The following APBA1 variants were observed in gnomAD, a reference collection of about 807,000 sequenced individuals.
APBA1 encodes amyloid-beta A4 precursor protein-binding family A member 1.
A neutral mutation model predicts 86.6 loss-of-function variants in APBA1; 55 were observed. That is an observed-to-expected ratio of 0.64 (90% CI 0.51 to 0.80). APBA1 has a LOEUF of 0.80. Among genes scored for constraint, APBA1 ranks in the 30% least tolerant of loss-of-function variants. APBA1 has a pLI of 0.00. For synonymous variants in APBA1, 511 were observed against 493.9 expected (o/e 1.03, Z -0.46); for missense variants, 1,090 against 1,183.0 (o/e 0.92, Z 1.15).
At chr9:69,648,185 A>G (rs1823427398) in intron 1 of APBA1, among the ~76,000 whole-genome samples, 1 of 152,224 alleles carries the variant, frequency 6.6e-6, no homozygotes. Context: ...CTTGGCTACA[A>G]CATTTCTCAC....
At chr9:69,510,299 C>A (rs1836010906) in intron 2 of APBA1, among the ~76,000 whole-genome samples, 1 of 151,922 alleles carries the variant, frequency 6.6e-6, no homozygotes, top group African/African-American at 2.4e-5. Flanking sequence ...AGAGCCAAAT[C>A]ATAAGTGAAC....
intron 5 of APBA1, among the ~76,000 whole-genome samples, chr9:69,459,380 T>C (rs371621856): frequency 1.3e-5 from 2 of 152,368 alleles, no homozygotes; most frequent in African/African-American, 2.4e-5. Flanking sequence ...CCATCATTTA[T>C]TGAGTGTGTT....
chr9:69,646,579 C>T (rs1049056657), intron 1 of APBA1, among the ~76,000 whole-genome samples: 1 of 152,100 alleles, frequency 6.6e-6, no homozygotes, highest in African/African-American at 2.4e-5. Flanking sequence ...ACAAGCCTGG[C>T]TTCAAGCCTT....
At chr9:69,565,070 A>G (rs1270834934) in intron 1 of APBA1, among the ~76,000 whole-genome samples, 1 of 152,240 alleles carries the variant, frequency 6.6e-6, no homozygotes. Flanking sequence ...GCAAGGGCAT[A>G]AAGCTAAGAG....
intron 1 of APBA1, among the ~76,000 whole-genome samples, chr9:69,646,637 T>A (rs1293432174): frequency 6.6e-6 from 1 of 152,174 alleles, no homozygotes; most frequent in Non-Finnish European, 1.5e-5. Context: ...GGCATTCTGG[T>A]CTGCTCTCCT....
intron 1 of APBA1, among the ~76,000 whole-genome samples, chr9:69,643,008 C>A (rs1198891107): frequency 2.6e-5 from 4 of 151,150 alleles, no homozygotes; most frequent in Non-Finnish European, 4.4e-5. Flanking sequence ...TACACACACA[C>A]CCCCGCCACA....
chr9:69,449,504 A>T, intron 10 of APBA1, 80 bp downstream of exon 10: 1 of 1,279,066 alleles, frequency 7.8e-7, no homozygotes, highest in Non-Finnish European at 1.1e-6. Flanking sequence ...ATGTTCATAT[A>T]CATTAATGAC....
chr9:69,481,292 C>T (rs1835503253), intron 2 of APBA1, among the ~76,000 whole-genome samples: 1 of 152,018 alleles, frequency 6.6e-6, no homozygotes, highest in Admixed American at 6.6e-5. Context: ...GATACAAAAT[C>T]AATGTGCAAA....
At chr9:69,595,358 A>G (rs866857548) in intron 1 of APBA1, among the ~76,000 whole-genome samples, 1 of 152,156 alleles carries the variant, frequency 6.6e-6, no homozygotes, top group Non-Finnish European at 1.5e-5. Context: ...AAGAAAATCC[A>G]CCTAGTTCCC....
intron 1 of APBA1, among the ~76,000 whole-genome samples, chr9:69,545,193 C>T (rs1588353822): frequency 6.6e-6 from 1 of 152,244 alleles, no homozygotes; most frequent in South Asian, 2.1e-4. Context: ...CTTAGCCAGA[C>T]TAAACAAAAT....
chr9:69,636,894 G>GGAAC (rs2134003927), intron 1 of APBA1, among the ~76,000 whole-genome samples: 1 of 51,550 alleles, frequency 1.9e-5, no homozygotes, highest in Non-Finnish European at 4.3e-5. Context: ...AAGGAAAGAA[G>GGAAC]GAAGGAAGGA....
chr9:69,588,973 G>A (rs897024423), intron 1 of APBA1, among the ~76,000 whole-genome samples: 11 of 152,072 alleles, frequency 7.2e-5, no homozygotes, highest in Admixed American at 2.0e-4. Flanking sequence ...GTTTGTTTTC[G>A]AGACAGGGTC....
Position 69,436,217 on chromosome 9 carries a change from C to T in APBA1, c.2302-3541G>A, listed in dbSNP as rs191778521. Among the ~76,000 whole-genome samples the T allele has an allele frequency of 2.0e-5, 3 of 149,888 alleles. 1 individual carries two copies. The highest frequency in any genetic ancestry group is 3.0e-5 in the Non-Finnish European group (2 of 67,108). ...TAGTTTGAAGTCAGGTAGCGTGATG[C>T]CTCCAGCTTTGTTCTTTTAGCTTAG... On this transcript the variant is annotated intron_variant, in intron 11 of 12. Transcript: ENST00000265381.
intron 2 of APBA1, among the ~76,000 whole-genome samples, chr9:69,492,504 C>T (rs1286183753): frequency 6.6e-6 from 1 of 151,978 alleles, no homozygotes; most frequent in Non-Finnish European, 1.5e-5. Context: ...TCTATAAAAT[C>T]AAACCAAGAT....
At chr9:69,539,923 A>G (rs1488648698) in intron 1 of APBA1, among the ~76,000 whole-genome samples, 2 of 152,176 alleles carry the variant, frequency 1.3e-5, no homozygotes, top group African/African-American at 2.4e-5. Context: ...GTTCAAGACC[A>G]GCCTGGCCAA....
chr9:69,654,473 C>G (rs1427970559), intron 1 of APBA1, among the ~76,000 whole-genome samples: 1 of 151,740 alleles, frequency 6.6e-6, no homozygotes, highest in Non-Finnish European at 1.5e-5. Context: ...AGAGCAAGAC[C>G]CTGTCTCAAA....
chr9:69,634,379 T>C (rs1368398683), intron 1 of APBA1, among the ~76,000 whole-genome samples: 1 of 152,184 alleles, frequency 6.6e-6, no homozygotes. Context: ...ATTCTGGTCG[T>C]TGCAACTTGA....
At position 69,517,248 on chromosome 9, in the gene APBA1, G is replaced by C. The variant is rs764165206; in HGVS notation, c.-38C>G. On this transcript the variant is annotated 5_prime_UTR_variant, in exon 2 of 13. Coordinates refer to ENST00000265381, the MANE Select transcript of APBA1 (RefSeq NM_001163.4). Reference sequence around the variant, plus strand: ...AACGGCTAGGAGAGAAGCTGGGCCCGGCTCACTGCGCTCTCATTTTGCTCC... The same window carrying C: ...AACGGCTAGGAGAGAAGCTGGGCCCCGCTCACTGCGCTCTCATTTTGCTCC... 1.4e-6 allele frequency: 2 copies of C among 1,426,552 alleles called. No individual in the cohort carries two copies. The highest frequency in any genetic ancestry group is 1.8e-6 in the Non-Finnish European group (2 of 1,091,888). The allele number at this position is 1,426,552 out of a possible 1,614,324, so 88.4% of individuals were successfully genotyped here.
At chr9:69,431,541 C>A in intron 12 of APBA1, 143 bp from the exon 13 acceptor site, 1 of 665,880 alleles carries the variant, frequency 1.5e-6, no homozygotes, top group Non-Finnish European at 2.5e-6. Context: ...CCACCAGGGA[C>A]CTGACCCAGG....
Sources: gnomAD v4.1 joint callset for allele counts (sites outside exome capture counted in the v4.1 genomes callset) on GRCh38, gnomAD v4.1.1 for gene constraint, MANE v1.5 for transcripts, NCBI Gene and HGNC (gene_info 2026-07-23, HGNC 2026-07-21) for gene names.